MRPL49: variants seen among roughly 807,000 people sequenced by gnomAD.
The protein encoded by MRPL49 is mitochondrial ribosomal protein L49, also known as large ribosomal subunit protein mL49.
Under a neutral mutation model 18.4 loss-of-function variants are expected in MRPL49, and 14 were observed. The ratio of observed to expected loss-of-function variants is 0.76; its 90% confidence interval spans 0.50 to 1.19. The LOEUF is 1.19. Among genes scored for constraint, MRPL49 ranks in the 50% most tolerant of loss-of-function variants. The probability of loss-of-function intolerance (pLI) is 0.00; values close to 1 mark genes in which losing one functional copy is unlikely to be tolerated. For synonymous variants in MRPL49, 104 were observed against 86.2 expected, an observed-to-expected ratio of 1.21 and a Z score of -1.14; for missense variants, 190 against 217.8, an observed-to-expected ratio of 0.87 and a Z score of 0.80.
rs149054724 is a variant in MRPL49 at position 65,122,357 on chromosome 11, C to T, written c.11C>T (p.Thr4Ile). 1.4e-4 allele frequency: 227 copies of T among 1,612,922 alleles called. No individual in the cohort carries two copies. The African/African-American group carries it at 2.2e-3, about 15-fold the overall frequency. The change falls in exon 1 of 4, where the codon ACC becomes ATC. Residue 4 changes from threonine (T) to isoleucine (I), a missense_variant. Physicochemically the swap from Thr to Ile is moderately conservative, Grantham distance 89. Coordinates refer to ENST00000279242, the MANE Select transcript of MRPL49 (RefSeq NM_004927.4). The stretch of plus-strand genomic sequence containing the variant: ...GCGTAGCAGGTAAAGATGGCAGCTA[C>T]CATGTTCCGGGCTACGCTGCGGGGA... MAA[T>I]MFRATLRGWR... is the part of the protein sequence containing the mutation.
In MRPL49 at chr11:65,125,571, C is replaced by A. The variant is rs780396641; in HGVS notation, c.313C>A (p.Arg105=). 3 of 1,604,878 alleles carry A rather than the reference C, an allele frequency of 1.9e-6. No individual in the cohort carries two copies. Among genetic ancestry groups the A allele is most frequent in the Admixed American group, 3.4e-5 (2 of 59,578 alleles). Residue 105 remains arginine (R), a synonymous_variant, in exon 3 of 4, where the codon CGG becomes AGG. Coordinates refer to ENST00000279242, the MANE Select transcript of MRPL49 (RefSeq NM_004927.4). ...PVYKDITHGN[R]QMTVIRKVEG... ...CTACAAGGACATCACGCATGGCAAC[C>A]GGCAGATGACTGTGATCCGGAAAGT...
intron 2 of MRPL49, chr11:65,125,069 G>A (rs965398803): frequency 3.8e-6 from 1 of 264,522 alleles, no homozygotes; most frequent in Non-Finnish European, 7.2e-6. Context: ...GCAAAATGGA[G>A]ATAATCTGCT....
chr11:65,122,398 C>T lies in MRPL49; in HGVS notation c.52C>T (p.Gln18Ter). ...ATLRGWRTGVQRGCGLRLLSQ... is the reference protein window; with the variant it reads ...ATLRGWRTGV ...GCTGCGGGGATGGAGAACCGGTGTC[C>T]AGCGGGGCTGCGGGCTACGGCTGTT... Residue 18 changes from glutamine (Q) to a stop codon, truncating the protein, a stop_gained, in exon 1 of 4, where the codon CAG (glutamine) becomes TAG (stop). Coordinates refer to ENST00000279242, the MANE Select transcript of MRPL49 (RefSeq NM_004927.4). LOFTEE classifies it high-confidence loss of function. 6.2e-7 allele frequency: 1 copy of T among 1,613,176 alleles called. No homozygotes were observed. Among genetic ancestry groups the T allele is most frequent in the Non-Finnish European group, 8.5e-7 (1 of 1,179,668 alleles).
rs753065318 is a variant in MRPL49, at chr11:65,127,014, C to T, written c.*1142C>T. 106 of 701,016 alleles carry T rather than the reference C, an allele frequency of 1.5e-4. No individual in the cohort carries two copies. In the African/African-American group the frequency reaches 1.6e-3, roughly 11 times the overall value. The allele number at this position is 701,016 out of a possible 1,614,324, so 43.4% of individuals were successfully genotyped here. ...CCAAAGGCCTGAGACCCCACCCTGC[C>T]CCCAAACTGGCTAAGACAGCTTTCA... On this transcript the variant is annotated 3_prime_UTR_variant, in exon 4 of 4. Coordinates refer to ENST00000279242, the MANE Select transcript of MRPL49 (RefSeq NM_004927.4).
chr11:65,126,024 A>T lies in MRPL49; in HGVS notation c.*152A>T. On this transcript the variant is annotated 3_prime_UTR_variant, in exon 4 of 4. Coordinates refer to ENST00000279242, the MANE Select transcript of MRPL49 (RefSeq NM_004927.4). Reference sequence around the variant, plus strand: ...GGGTCAGGCCTTGCTTGCATAAAGGAGAAAACAACTCTATGTACATGCTGG... The same window carrying T: ...GGGTCAGGCCTTGCTTGCATAAAGGTGAAAACAACTCTATGTACATGCTGG... 1 of 832,066 alleles carries T rather than the reference A, an allele frequency of 1.2e-6. No homozygotes were observed. The highest frequency in any genetic ancestry group is 1.8e-6 in the Non-Finnish European group (1 of 548,244). 51.5% of individuals were successfully genotyped at this position (832,066 alleles called of 1,614,324 possible). A position where few individuals can be genotyped will look rare whatever the true frequency, so the allele number is the denominator to read the frequency against.
chr11:65,124,935 C>T (rs1948086190), intron 2 of MRPL49: 2 of 362,806 alleles, frequency 5.5e-6, no homozygotes, highest in Non-Finnish European at 9.9e-6. Flanking sequence ...TCTTTCCCCC[C>T]AGCAGACTAT....
chr11:65,123,373 G>A (rs1948071701), intron 1 of MRPL49, among the ~76,000 whole-genome samples: 1 of 152,146 alleles, frequency 6.6e-6, no homozygotes, highest in African/African-American at 2.4e-5. Context: ...TAAAAGAAAA[G>A]GATATTTATT....
chr11:65,126,017 A>G lies in MRPL49; in HGVS notation c.*145A>G. 1 of 941,420 alleles carries G rather than the reference A, an allele frequency of 1.1e-6. No homozygotes were observed. Among genetic ancestry groups the G allele is most frequent in the Non-Finnish European group, 1.5e-6 (1 of 645,216 alleles). 58.3% of individuals were successfully genotyped at this position (941,420 alleles called of 1,614,324 possible). On this transcript the variant is annotated 3_prime_UTR_variant, in exon 4 of 4. Transcript: ENST00000279242. Reference sequence around the variant, plus strand: ...GACTTTGGGGTCAGGCCTTGCTTGCATAAAGGAGAAAACAACTCTATGTAC... The same window carrying G: ...GACTTTGGGGTCAGGCCTTGCTTGCGTAAAGGAGAAAACAACTCTATGTAC...
upstream of MRPL49, chr11:65,122,270 G>C: frequency 6.5e-7 from 1 of 1,536,752 alleles, no homozygotes; most frequent in South Asian, 1.2e-5. Flanking sequence ...CGGCGAACCT[G>C]CCTGGGCAGG....
intron 1 of MRPL49, among the ~76,000 whole-genome samples, chr11:65,123,683 G>A (rs971723359): frequency 6.6e-5 from 10 of 150,978 alleles, no homozygotes; most frequent in Admixed American, 3.9e-4. Flanking sequence ...GCAGTGAGCC[G>A]AGATCACACC....
Position 65,125,296 on chromosome 11 carries a change from T to TCC in MRPL49, c.230-192_230-191insCC, listed in dbSNP as rs1179521755. 2.8e-5 allele frequency: 17 copies of TCC among 615,138 alleles called. No individual in the cohort carries two copies. The Admixed American group carries it at 4.8e-4, about 18-fold the overall frequency. The allele number at this position is 615,138 out of a possible 1,614,324, so 38.1% of individuals were successfully genotyped here. A position where few individuals can be genotyped will look rare whatever the true frequency, so the allele number is the denominator to read the frequency against. On this transcript the variant is annotated intron_variant, in intron 2 of 3. Coordinates refer to ENST00000279242, the MANE Select transcript of MRPL49 (RefSeq NM_004927.4). ...TTAGTGCCAGGCCCTGTGTGGGGCC[T>TCC]TAGGGTACCAGGGTGAACAATTTGG...
In MRPL49 at chr11:65,124,520, C is replaced by T; in HGVS notation, c.97C>T (p.Pro33Ser). The change falls in exon 2 of 4, where the codon CCA (proline) becomes TCA (serine). Residue 33 changes from proline to serine, a missense_variant. Pro to Ser is a moderately conservative substitution (Grantham distance 74, BLOSUM62 -1). Transcript: ENST00000279242. The part of the protein sequence containing the change: ...LRLLSQTQGP[P>S]DYPRFVESVD... ...GCTTCAGAGCCAGACCCAGGGCCCT[C>T]CAGATTACCCCAGGTTTGTGGAGTC... The T allele has an allele frequency of 6.2e-7, 1 of 1,614,104 alleles. No individual in the cohort carries two copies. The highest frequency in any genetic ancestry group is 8.5e-7 in the Non-Finnish European group (1 of 1,180,012).
Position 65,124,726 on chromosome 11 carries a change from A to G in MRPL49, c.229+74A>G, listed in dbSNP as rs144908022. 14,523 of 1,537,926 alleles carry G rather than the reference A, an allele frequency of 9.4e-3. 89 individuals are homozygous for G. Among genetic ancestry groups the G allele is most frequent in the Non-Finnish European group, 0.011 (12,480 of 1,132,900 alleles). ...TCCTCCCCAGAGGTTGGCCTCCCCC[A>G]TGAGGCTCTGGACTCTCCAGTGGGT... is the stretch of plus-strand genomic sequence containing the variant. On this transcript the variant is annotated intron_variant, in intron 2 of 3. Coordinates refer to ENST00000279242, the MANE Select transcript of MRPL49 (RefSeq NM_004927.4).
chr11:65,122,270 G>A, upstream of MRPL49: 1 of 1,536,752 alleles, frequency 6.5e-7, no homozygotes, highest in Non-Finnish European at 8.9e-7. Context: ...CGGCGAACCT[G>A]CCTGGGCAGG....
intron 1 of MRPL49, among the ~76,000 whole-genome samples, chr11:65,123,320 C>T (rs142376977): frequency 1.3e-5 from 2 of 152,288 alleles, no homozygotes; most frequent in African/African-American, 4.8e-5. Flanking sequence ...CCATGGAAAA[C>T]CAAAGACTGG....
rs960264087 is a variant in MRPL49 at position 65,127,120 on chromosome 11, C to G, written c.*1248C>G. The G allele has an allele frequency of 4.3e-6, 3 of 690,420 alleles. No individual in the cohort carries two copies. In the South Asian group the frequency reaches 4.6e-5, roughly 11 times the overall value. The allele number at this position is 690,420 out of a possible 1,614,324, so 42.8% of individuals were successfully genotyped here. On this transcript the variant is annotated 3_prime_UTR_variant, in exon 4 of 4. Coordinates refer to ENST00000279242, the MANE Select transcript of MRPL49 (RefSeq NM_004927.4). ...TGCTTCTCTGTGTGTAAAATGGGCA[C>G]ATCTTCCTAATCTGTTAATGGTCAG...
In MRPL49 at chr11:65,126,577, C is replaced by T. The variant is rs745654202; in HGVS notation, c.*705C>T. ...TGGGCACTTTGTTTCCTTGGCCCTCCGAAGCTCACTGTTGCAAATACCCCC... is the reference window on the plus strand; with the variant it reads ...TGGGCACTTTGTTTCCTTGGCCCTCTGAAGCTCACTGTTGCAAATACCCCC... On this transcript the variant is annotated 3_prime_UTR_variant, in exon 4 of 4. Coordinates refer to ENST00000279242, the MANE Select transcript of MRPL49 (RefSeq NM_004927.4). The T allele has an allele frequency of 3.5e-4, 57 of 163,880 alleles. No individual in the cohort carries two copies. Among genetic ancestry groups the T allele is most frequent in the Non-Finnish European group, 5.1e-4 (39 of 75,908 alleles). 10.2% of individuals were successfully genotyped at this position (163,880 alleles called of 1,614,324 possible).
chr11:65,124,317 A>C (rs1252186558), intron 1 of MRPL49, among the ~76,000 whole-genome samples, 185 bp from the exon 2 acceptor site: 1 of 151,988 alleles, frequency 6.6e-6, no homozygotes, highest in Non-Finnish European at 1.5e-5. Flanking sequence ...CCCTAGCTCT[A>C]TTTGTTGGGA....
chr11:65,123,686 A>T (rs1403630137), intron 1 of MRPL49, among the ~76,000 whole-genome samples: 1 of 151,586 alleles, frequency 6.6e-6, no homozygotes, highest in Non-Finnish European at 1.5e-5. Context: ...GTGAGCCGAG[A>T]TCACACCACT....
Sources: gnomAD v4.1 joint callset for allele counts (sites outside exome capture counted in the v4.1 genomes callset) on GRCh38, gnomAD v4.1.1 for gene constraint, MANE v1.5 for transcripts, NCBI Gene and HGNC (gene_info 2026-07-23, HGNC 2026-07-21) for gene names.